The following STARD9 variants were observed in gnomAD, a reference collection of about 807,000 sequenced individuals.
STARD9 encodes StAR related lipid transfer domain containing 9.
STARD9 carries 346 observed loss-of-function variants against 399.8 expected under a neutral mutation model. That is an observed-to-expected ratio of 0.87 (90% CI 0.79 to 0.95). The LOEUF (loss-of-function observed/expected upper bound fraction) is 0.95, where lower values mean the gene tolerates loss of function less well. STARD9 is among the 40% of genes least tolerant of loss of function. STARD9 has a pLI of 0.00. For missense variants in STARD9, 5,832 were observed against 5,667.5 expected (o/e 1.03, Z -0.93); for synonymous variants, 2,203 against 2,143.5 (o/e 1.03, Z -0.77).
chr15:42,602,079 C>G (rs1420711193), intron 3 of STARD9, among the ~76,000 whole-genome samples: 2 of 152,186 alleles, frequency 1.3e-5, no homozygotes, highest in African/African-American at 4.8e-5. Flanking sequence ...GAACTCCTAA[C>G]GTCAAGTGAT....
chr15:42,695,522 A>G (rs1213441188), intron 25 of STARD9, among the ~76,000 whole-genome samples, 199 bp downstream of exon 25: 1 of 152,138 alleles, frequency 6.6e-6, no homozygotes, highest in Admixed American at 6.5e-5. Flanking sequence ...ACGGCCTGGG[A>G]GGAAGAGGCT....
intron 28 of STARD9, among the ~76,000 whole-genome samples, chr15:42,717,515 A>T (rs1272768577): frequency 6.6e-6 from 1 of 151,478 alleles, no homozygotes; most frequent in Non-Finnish European, 1.5e-5. Flanking sequence ...AGCCCTAGAG[A>T]CTGGGAGGCT....
At chr15:42,680,036 A>G (rs750953943) in intron 20 of STARD9, among the ~76,000 whole-genome samples, 14 of 152,158 alleles carry the variant, frequency 9.2e-5, no homozygotes, top group Non-Finnish European at 1.6e-4. Context: ...AGCAGGCTTG[A>G]TTCTAACTTT....
chr15:42,581,635 C>T (rs892334441), intron 1 of STARD9: 1 of 628,204 alleles, frequency 1.6e-6, no homozygotes, highest in Non-Finnish European at 2.8e-6. Flanking sequence ...TCCGCCCCTG[C>T]CGCCAGCCGA....
chr15:42,685,863 CAA>C lies in STARD9; in HGVS notation c.4287_4288del (p.Arg1430AlafsTer7). 6.5e-7 allele frequency: 1 copy of C among 1,537,098 alleles called. No homozygotes were observed. Among genetic ancestry groups the C allele is most frequent in the Non-Finnish European group, 8.7e-7 (1 of 1,146,928 alleles). On this transcript the variant is annotated frameshift_variant, in exon 23 of 33. Coordinates refer to ENST00000290607, the MANE Select transcript of STARD9 (RefSeq NM_020759.3). LOFTEE classifies it high-confidence loss of function. The stretch of plus-strand genomic sequence containing the variant: ...GTCTAGGCTGTCTCTCTGGGGAATT[CAA>C]AGGCTTATTCAACCAGGAGCTGATG... ...DTSRLSLWGI[Q>X]RLIQPGADGT...
At position 42,689,433 on chromosome 15, in the gene STARD9, GC is replaced by G; in HGVS notation, c.7856del (p.Ala2619AspfsTer10). On this transcript the variant is annotated frameshift_variant, in exon 23 of 33. Coordinates refer to ENST00000290607, the MANE Select transcript of STARD9 (RefSeq NM_020759.3). LOFTEE classifies it high-confidence loss of function. Reference protein sequence around the residue: ...NEGEAPGFHVASLSAEAGQID... With the variant: ...NEGEAPGFHVXSLSAEAGQID... The stretch of plus-strand genomic sequence containing the variant: ...GGGTGAAGCACCGGGATTTCATGTG[GC>G]ATCTCTATCTGCTGAAGCAGGGCAG... 6.5e-7 allele frequency: 1 copy of G among 1,537,422 alleles called. No homozygotes were observed. The highest frequency in any genetic ancestry group is 8.7e-7 in the Non-Finnish European group (1 of 1,146,940).
At position 42,687,972 on chromosome 15, in the gene STARD9, G is replaced by A; in HGVS notation, c.6394G>A (p.Ala2132Thr). The change falls in exon 23 of 33, where the codon GCG (alanine) becomes ACG (threonine). Residue 2132 changes from alanine to threonine, a missense_variant. By Grantham distance (58) the Ala-to-Thr change is moderately conservative. This residue lies in a region of STARD9 where 5,828 missense variants were observed against 5,651.1 expected (regional missense o/e 1.03). Coordinates refer to ENST00000290607, the MANE Select transcript of STARD9 (RefSeq NM_020759.3). ...TGTCTTTAGGGATAGTGAAGCTGGA[G>A]CGATGGAGGTTAACAGCATTGGGAA... ...DTVFRDSEAG[A>T]MEVNSIGNHP... 5.2e-6 allele frequency: 8 copies of A among 1,537,476 alleles called. No individual in the cohort carries two copies. Among genetic ancestry groups the A allele is most frequent in the Non-Finnish European group, 7.0e-6 (8 of 1,146,976 alleles).
chr15:42,705,533 A>G (rs1472722788), intron 26 of STARD9, among the ~76,000 whole-genome samples: 1 of 152,040 alleles, frequency 6.6e-6, no homozygotes, highest in Non-Finnish European at 1.5e-5. Context: ...TCCCAGGTTC[A>G]AGCGATTCTT....
At chr15:42,646,831 G>A (rs1030422786) in intron 7 of STARD9, among the ~76,000 whole-genome samples, 2 of 152,136 alleles carry the variant, frequency 1.3e-5, no homozygotes, top group Admixed American at 6.5e-5. Flanking sequence ...CTAAACTTCA[G>A]CGTTTCTAGC....
chr15:42,712,879 G>A (rs1490470836), intron 26 of STARD9, among the ~76,000 whole-genome samples: 2 of 152,170 alleles, frequency 1.3e-5, no homozygotes, highest in African/African-American at 4.8e-5. Context: ...TAGAAGTCAG[G>A]AAGTAGGCAT....
chr15:42,603,550 A>G (rs755241592), intron 3 of STARD9, among the ~76,000 whole-genome samples: 26 of 152,212 alleles, frequency 1.7e-4, no homozygotes, highest in Non-Finnish European at 2.9e-4. Context: ...CAGTGGAATC[A>G]CAATAAAGAG....
intron 3 of STARD9, among the ~76,000 whole-genome samples, chr15:42,603,499 A>C (rs2058669737): frequency 6.6e-6 from 1 of 152,188 alleles, no homozygotes; most frequent in Non-Finnish European, 1.5e-5. Flanking sequence ...ACCAGATTAC[A>C]AGGTTCTTGC....
At chr15:42,603,164 C>G (rs2058663564) in intron 3 of STARD9, among the ~76,000 whole-genome samples, 1 of 152,092 alleles carries the variant, frequency 6.6e-6, no homozygotes, top group African/African-American at 2.4e-5. Context: ...TAAAAATAGA[C>G]TTTTTATTTA....
intron 3 of STARD9, among the ~76,000 whole-genome samples, chr15:42,626,458 TCTC>T (rs1566885138): frequency 7.0e-6 from 1 of 143,042 alleles, no homozygotes; most frequent in Non-Finnish European, 1.5e-5. Flanking sequence ...TCCTCTTCCT[TCTC>T]CTCTTCCTCC....
At chr15:42,638,576 T>C in intron 6 of STARD9, 124 bp from the exon 7 acceptor site, 1 of 615,308 alleles carries the variant, frequency 1.6e-6, no homozygotes. Context: ...CTTGGCTTGA[T>C]CATTGCCTTA....
At position 42,689,534 on chromosome 15, in the gene STARD9, T is replaced by C; in HGVS notation, c.7956T>C (p.Asn2652=). The C allele has an allele frequency of 6.5e-7, 1 of 1,537,186 alleles. No individual in the cohort carries two copies. The highest frequency in any genetic ancestry group is 8.7e-7 in the Non-Finnish European group (1 of 1,146,918). The change falls in exon 23 of 33, where the codon AAT becomes AAC. Residue 2652 remains asparagine (N), a synonymous_variant. Coordinates refer to ENST00000290607, the MANE Select transcript of STARD9 (RefSeq NM_020759.3). The part of the protein sequence containing the change: ...LSADSFESLP[N]TETDREPWDP... Reference sequence around the variant, plus strand: ...CAGACAGCTTTGAATCTCTGCCCAATACGGAAACTGACAGAGAGCCATGGG... The same window carrying C: ...CAGACAGCTTTGAATCTCTGCCCAACACGGAAACTGACAGAGAGCCATGGG...
chr15:42,708,539 C>T (rs981199049), intron 26 of STARD9, among the ~76,000 whole-genome samples: 2 of 152,144 alleles, frequency 1.3e-5, no homozygotes, highest in Admixed American at 1.3e-4. Flanking sequence ...CTCCTGGAGC[C>T]CCTTTTGATT....
rs1211600806 is a variant in STARD9 at position 42,651,440 on chromosome 15, T to C, written c.629+355T>C. Among the ~76,000 whole-genome samples, 7 of 152,180 alleles carry C rather than the reference T, an allele frequency of 4.6e-5. No individual in the cohort carries two copies. The South Asian group carries it at 6.2e-4, about 13-fold the overall frequency. ...GATAGATATAAGGATGAATATAGTG[T>C]AAAAGGTTCATAAAAACATTTTTTT... is the stretch of plus-strand genomic sequence containing the variant. On this transcript the variant is annotated intron_variant, in intron 8 of 32. Coordinates refer to ENST00000290607, the MANE Select transcript of STARD9 (RefSeq NM_020759.3).
chr15:42,718,626 G>A (rs2061395273), intron 31 of STARD9, 112 bp downstream of exon 31: 1 of 1,426,248 alleles, frequency 7.0e-7, no homozygotes, highest in Non-Finnish European at 9.5e-7. Context: ...AATTGGGGCT[G>A]GAGCCAGGGT....
Sources: gnomAD v4.1 joint callset for allele counts (sites outside exome capture counted in the v4.1 genomes callset) on GRCh38, gnomAD v4.1.1 for gene constraint, gnomAD v4.1.1 regional missense constraint, MANE v1.5 for transcripts, NCBI Gene and HGNC (gene_info 2026-07-23, HGNC 2026-07-21) for gene names.